SIM1: variants seen among roughly 807,000 people sequenced by gnomAD.
SIM1 encodes SIM bHLH transcription factor 1.
A neutral mutation model predicts 78.2 loss-of-function variants in SIM1; 18 were observed. That is an observed-to-expected ratio of 0.23 (90% confidence interval 0.16 to 0.34). SIM1 has a LOEUF of 0.34. Among genes scored for constraint, SIM1 ranks in the 10% least tolerant of loss-of-function variants. The pLI, the probability that SIM1 is intolerant of heterozygous loss-of-function variation, is 1.00. For missense variants in SIM1, 939 were observed against 975.1 expected (o/e 0.96, Z 0.49); for synonymous variants, 417 against 385.2 (o/e 1.08, Z -0.97).
chr6:100,437,089 A>T (rs1254156949), intron 9 of SIM1, among the ~76,000 whole-genome samples: 2 of 152,260 alleles, frequency 1.3e-5, no homozygotes, highest in East Asian at 3.9e-4. Context: ...CAATTTGTCC[A>T]TAGTCACTGG....
chr6:100,455,984 C>T (rs1169535047), intron 2 of SIM1, among the ~76,000 whole-genome samples: 1 of 152,164 alleles, frequency 6.6e-6, no homozygotes, highest in Non-Finnish European at 1.5e-5. Flanking sequence ...GAGACTTCCC[C>T]ACAGGTTAAT....
chr6:100,439,942 C>T (rs1426167746), intron 9 of SIM1, among the ~76,000 whole-genome samples: 3 of 152,072 alleles, frequency 2.0e-5, no homozygotes, highest in Admixed American at 6.5e-5. Flanking sequence ...AATCACCACA[C>T]ACAAAGAGCA....
chr6:100,393,453 C>T, intron 11 of SIM1, 34 bp downstream of exon 11: 1 of 1,489,992 alleles, frequency 6.7e-7, no homozygotes, highest in South Asian at 1.4e-5. Context: ...GGGCCTAATG[C>T]TTGGAGTTCG....
chr6:100,395,861 G>A (rs999328194), intron 10 of SIM1, among the ~76,000 whole-genome samples: 1 of 152,172 alleles, frequency 6.6e-6, no homozygotes, highest in Admixed American at 6.5e-5. Flanking sequence ...AATATAGCAT[G>A]CTCAGAACAG....
intron 10 of SIM1, among the ~76,000 whole-genome samples, chr6:100,400,912 A>T (rs2114474339): frequency 6.6e-6 from 1 of 152,168 alleles, no homozygotes; most frequent in African/African-American, 2.4e-5. Flanking sequence ...TCGGGGAAAA[A>T]CTGTTGAGAA....
intron 10 of SIM1, among the ~76,000 whole-genome samples, chr6:100,409,856 C>T (rs955510572): frequency 3.3e-5 from 5 of 151,974 alleles, no homozygotes; most frequent in Non-Finnish European, 5.9e-5. Flanking sequence ...CTGTTACTTA[C>T]TGTTAGTTTC....
At chr6:100,458,489 C>T (rs911590854) in intron 2 of SIM1, among the ~76,000 whole-genome samples, 11 of 152,218 alleles carry the variant, frequency 7.2e-5, no homozygotes, top group Non-Finnish European at 1.5e-4. Context: ...CGACTGCTTG[C>T]CCTTCAGGGA....
At chr6:100,451,261 C>A (rs946621089) in intron 3 of SIM1, among the ~76,000 whole-genome samples, 1 of 152,152 alleles carries the variant, frequency 6.6e-6, no homozygotes, top group African/African-American at 2.4e-5. Context: ...TTGAGCAGAA[C>A]CTTGAACAGG....
At chr6:100,402,803 C>T (rs946541158) in intron 10 of SIM1, among the ~76,000 whole-genome samples, 1 of 151,992 alleles carries the variant, frequency 6.6e-6, no homozygotes, top group Non-Finnish European at 1.5e-5. Context: ...GTCTCGATCT[C>T]CTGACCTCGT....
At chr6:100,450,168 G>T in intron 4 of SIM1, 99 bp downstream of exon 4, 1 of 925,960 alleles carries the variant, frequency 1.1e-6, no homozygotes, top group Non-Finnish European at 1.8e-6. Context: ...CCAGCTCCAG[G>T]TTTAGAGAAG....
At chr6:100,421,896 A>C (rs762015563) in intron 9 of SIM1, among the ~76,000 whole-genome samples, 1 of 152,172 alleles carries the variant, frequency 6.6e-6, no homozygotes, top group Non-Finnish European at 1.5e-5. Context: ...ATTTTCTCTC[A>C]GGTACCAGAA....
In SIM1 at chr6:100,463,566, A is replaced by T; in HGVS notation, c.-98T>A. 3 of 1,144,350 alleles carry T rather than the reference A, an allele frequency of 2.6e-6. No homozygotes were observed. Among genetic ancestry groups the T allele is most frequent in the Non-Finnish European group, 3.8e-6 (3 of 794,318 alleles). 70.9% of individuals were successfully genotyped at this position (1,144,350 alleles called of 1,614,324 possible). A position where few individuals can be genotyped will look rare whatever the true frequency, so the allele number is the denominator to read the frequency against. The stretch of plus-strand genomic sequence containing the variant: ...ATTAGAGATCATATTTGGCAAAAAC[A>T]TAAAACATACTTTGAATAAAGAGGC... On this transcript the variant is annotated 5_prime_UTR_variant, in exon 2 of 12. It removes an upstream start codon present in the reference 5' UTR. Transcript: ENST00000369208.
chr6:100,439,745 T>C (rs1373005126), intron 9 of SIM1, among the ~76,000 whole-genome samples: 3 of 152,208 alleles, frequency 2.0e-5, no homozygotes, highest in Non-Finnish European at 4.4e-5. Context: ...ACCCTAGATA[T>C]TTGGTTAGTT....
rs189326746 is a variant in SIM1 at position 100,412,788 on chromosome 6, C to T, written c.1167+8002G>A. 4.1e-3 allele frequency among the ~76,000 whole-genome samples: 609 copies of T among 149,248 alleles called. 6 individuals carry two copies. The highest frequency in any genetic ancestry group is 0.014 in the African/African-American group (558 of 40,724). Reference sequence around the variant, plus strand: ...GAAAAAGAAAGGGAGAAAGAGAGAACGAAGGAAGGAAGGACGGACGGACGG... The same window carrying T: ...GAAAAAGAAAGGGAGAAAGAGAGAATGAAGGAAGGAAGGACGGACGGACGG... On this transcript the variant is annotated intron_variant, in intron 10 of 11. Coordinates refer to ENST00000369208, the MANE Select transcript of SIM1 (RefSeq NM_005068.3).
intron 1 of SIM1, among the ~76,000 whole-genome samples, 170 bp downstream of exon 1, chr6:100,464,444 C>T (rs1772938603): frequency 6.6e-6 from 1 of 152,206 alleles, no homozygotes; most frequent in Non-Finnish European, 1.5e-5. Flanking sequence ...TCTGGCTGCC[C>T]AGCAGGGGCT....
chr6:100,389,540 C>T lies in SIM1; in HGVS notation c.*821G>A, dbSNP rs1329745385. Reference sequence around the variant, plus strand: ...TAAATTGTGTTAAACTTTGAGATAGCATTTTATTTCACTCTGCCTCTGGCC... The same window carrying T: ...TAAATTGTGTTAAACTTTGAGATAGTATTTTATTTCACTCTGCCTCTGGCC... On this transcript the variant is annotated 3_prime_UTR_variant, in exon 12 of 12. Coordinates refer to ENST00000369208, the MANE Select transcript of SIM1 (RefSeq NM_005068.3). The T allele has an allele frequency of 2.5e-6, 1 of 398,380 alleles. No individual in the cohort carries two copies. The highest frequency in any genetic ancestry group is 4.4e-6 in the Non-Finnish European group (1 of 225,848). The allele number at this position is 398,380 out of a possible 1,614,324, so 24.7% of individuals were successfully genotyped here. A position where few individuals can be genotyped will look rare whatever the true frequency, so the allele number is the denominator to read the frequency against.
chr6:100,427,501 A>G (rs1205809390), intron 9 of SIM1, among the ~76,000 whole-genome samples: 1 of 152,218 alleles, frequency 6.6e-6, no homozygotes, highest in Admixed American at 6.5e-5. Flanking sequence ...GTTCAGACAC[A>G]AAGTTTGCTA....
At chr6:100,420,659 C>T (rs1771552922) in intron 10 of SIM1, 131 bp downstream of exon 10, 1 of 858,858 alleles carries the variant, frequency 1.2e-6, no homozygotes, top group Non-Finnish European at 1.8e-6. Flanking sequence ...TTTAGAGAAC[C>T]TTCCAGATTT....
Position 100,390,567 on chromosome 6 carries a change from A to G in SIM1, c.2095T>C (p.Phe699Leu). The part of the protein sequence containing the change: ...GDHPTVSPNC[F>L]GSHRQYFDKH... ...TCAAAATACTGCCGGTGAGAGCCAA[A>G]GCAGTTTGGAGAGACAGTAGGGTGG... The change falls in exon 12 of 12, where the codon TTT (phenylalanine) becomes CTT (leucine). Residue 699 changes from phenylalanine to leucine, a missense_variant. Around this residue, in one of 5 missense-constraint regions of SIM1, gnomAD observed 556 missense variants for 521.9 expected, o/e 1.07. Transcript: ENST00000369208. 1 of 1,614,224 alleles carries G rather than the reference A, an allele frequency of 6.2e-7. No homozygotes were observed. Among genetic ancestry groups the G allele is most frequent in the Non-Finnish European group, 8.5e-7 (1 of 1,180,032 alleles).
Sources: gnomAD v4.1 joint callset for allele counts (sites outside exome capture counted in the v4.1 genomes callset) on GRCh38, gnomAD v4.1.1 for gene constraint, gnomAD v4.1.1 regional missense constraint, MANE v1.5 for transcripts, NCBI Gene and HGNC (gene_info 2026-07-23, HGNC 2026-07-21) for gene names.